The following FNIP1 variants were observed in gnomAD, a reference collection of about 807,000 sequenced individuals.
FNIP1 encodes the protein folliculin-interacting protein 1.
A neutral mutation model predicts 124.5 loss-of-function variants in FNIP1; 40 were observed. The observed-to-expected ratio is 0.32, with a 90% CI of 0.25 to 0.42. FNIP1 has a LOEUF of 0.42. Ranked by LOEUF, FNIP1 falls within the 10% of genes least tolerant of loss-of-function variation. FNIP1 has a pLI of 1.00. For synonymous variants in FNIP1, 472 were observed against 470.6 expected (o/e 1.00, Z -0.04); for missense variants, 1,176 against 1,403.7 (o/e 0.84, Z 2.59).
At chr5:131,741,648 C>A (rs973356330) in intron 2 of FNIP1, among the ~76,000 whole-genome samples, 3 of 152,194 alleles carry the variant, frequency 2.0e-5, no homozygotes, top group Admixed American at 2.0e-4. Context: ...CCTTCTCTCA[C>A]ACTCCAGATA....
chr5:131,739,812 C>CAAAAAAAAAAAA (rs60928249), intron 2 of FNIP1, among the ~76,000 whole-genome samples: 1 of 31,382 alleles, frequency 3.2e-5, no homozygotes, highest in African/African-American at 1.0e-4. Flanking sequence ...GACTCCAGCT[C>CAAAAAAAAAAAA]AAAAAAAAAA....
chr5:131,709,737 A>C (rs1406592750), intron 7 of FNIP1, among the ~76,000 whole-genome samples: 1 of 152,192 alleles, frequency 6.6e-6, no homozygotes, highest in African/African-American at 2.4e-5. Context: ...TCTTTAAAAA[A>C]CAAAAAAGCA....
At chr5:131,719,820 A>G (rs905717801) in intron 3 of FNIP1, among the ~76,000 whole-genome samples, 1 of 152,250 alleles carries the variant, frequency 6.6e-6, no homozygotes, top group African/African-American at 2.4e-5. Flanking sequence ...TTCAAAGAAT[A>G]TGCAGAATAA....
intron 14 of FNIP1, 144 bp downstream of exon 14, chr5:131,671,361 C>G (rs1767742595): frequency 1.4e-6 from 1 of 704,326 alleles, no homozygotes; most frequent in Non-Finnish European, 2.3e-6. Context: ...AGCCTTTACT[C>G]CTTCTTATGA....
chr5:131,683,131 T>C (rs753520068), intron 11 of FNIP1, among the ~76,000 whole-genome samples: 52 of 152,240 alleles, frequency 3.4e-4, no homozygotes, highest in Non-Finnish European at 6.2e-4. Context: ...TCATTGTTAA[T>C]TTTAAATAAT....
intron 1 of FNIP1, among the ~76,000 whole-genome samples, chr5:131,793,944 A>C (rs1390514545): frequency 6.6e-6 from 1 of 152,204 alleles, no homozygotes; most frequent in East Asian, 1.9e-4. Context: ...GTTATATAAA[A>C]AGATGCTGAA....
chr5:131,671,921 A>C lies in FNIP1; in HGVS notation c.2523T>G (p.Asp841Glu), dbSNP rs1298605464. The C allele has an allele frequency of 6.2e-7, 1 of 1,614,212 alleles. No individual in the cohort carries two copies. Among genetic ancestry groups the C allele is most frequent in the Admixed American group, 1.7e-5 (1 of 60,024 alleles). The change falls in exon 14 of 18, where the codon GAT (aspartate) becomes GAG (glutamate). Residue 841 changes from aspartate to glutamate, a missense_variant. By Grantham distance (45) the Asp-to-Glu change is conservative (BLOSUM62 2). Coordinates refer to ENST00000510461, the MANE Select transcript of FNIP1 (RefSeq NM_133372.3). The stretch of plus-strand genomic sequence containing the variant: ...CAATAGTCCTGGTTTCGATTGAATC[A>C]TCATTAAAATATTCGTCGAATAAGC... ...SMSLFDEYFN[D>E]DSIETRTIDD... is the part of the protein sequence containing the mutation.
At chr5:131,785,068 G>C (rs530411759) in intron 1 of FNIP1, among the ~76,000 whole-genome samples, 538 of 12,220 alleles carry the variant, frequency 0.044, 15 homozygotes, top group Middle Eastern at 0.18. Context: ...TCATATATAT[G>C]ATATATATGA....
At chr5:131,694,080 A>G (rs1768607906) in intron 11 of FNIP1, among the ~76,000 whole-genome samples, 1 of 152,216 alleles carries the variant, frequency 6.6e-6, no homozygotes, top group African/African-American at 2.4e-5. Context: ...TCAAATGCTG[A>G]CAAGGATGTA....
At chr5:131,766,133 G>A (rs1415814461) in intron 1 of FNIP1, among the ~76,000 whole-genome samples, 6 of 148,628 alleles carry the variant, frequency 4.0e-5, no homozygotes, top group Non-Finnish European at 7.4e-5. Flanking sequence ...TTTGAGACAC[G>A]GTCTCACTCT....
chr5:131,793,929 C>T (rs1414527388), intron 1 of FNIP1, among the ~76,000 whole-genome samples: 1 of 151,988 alleles, frequency 6.6e-6, no homozygotes, highest in Admixed American at 6.6e-5. Context: ...TACTCAAAAA[C>T]CTGGGTTATA....
chr5:131,747,780 C>T (rs1046858361), intron 1 of FNIP1, among the ~76,000 whole-genome samples: 1 of 151,874 alleles, frequency 6.6e-6, no homozygotes, highest in Non-Finnish European at 1.5e-5. Context: ...GAAAATGAAA[C>T]CTCAAGTAGA....
At chr5:131,697,987 AAAG>A (rs1768765098) in intron 11 of FNIP1, among the ~76,000 whole-genome samples, 1 of 151,286 alleles carries the variant, frequency 6.6e-6, no homozygotes, top group South Asian at 2.1e-4. Context: ...AAAAAAAAAA[AAAG>A]AAAGAAAAAG....
intron 15 of FNIP1, among the ~76,000 whole-genome samples, chr5:131,663,073 A>G (rs1767491631): frequency 6.6e-6 from 1 of 152,106 alleles, no homozygotes; most frequent in South Asian, 2.1e-4. Context: ...TAAATCATTT[A>G]CCATCTCTTT....
chr5:131,706,035 T>C (rs1202072677), intron 9 of FNIP1, among the ~76,000 whole-genome samples: 2 of 152,048 alleles, frequency 1.3e-5, no homozygotes, highest in Non-Finnish European at 2.9e-5. Context: ...ATACAAGGTA[T>C]GAATGAAAAT....
chr5:131,772,101 C>A (rs1319226791), intron 1 of FNIP1, among the ~76,000 whole-genome samples: 1 of 152,104 alleles, frequency 6.6e-6, no homozygotes, highest in Non-Finnish European at 1.5e-5. Flanking sequence ...GAATAACATG[C>A]ATAGAGGAAT....
At chr5:131,662,216 T>C (rs1455654483) in intron 15 of FNIP1, among the ~76,000 whole-genome samples, 1 of 152,146 alleles carries the variant, frequency 6.6e-6, no homozygotes, top group South Asian at 2.1e-4. Flanking sequence ...CATCTTTTGC[T>C]ATCTTAAGCC....
intron 11 of FNIP1, among the ~76,000 whole-genome samples, chr5:131,693,330 A>G (rs1436539989): frequency 1.4e-5 from 1 of 72,066 alleles, no homozygotes; most frequent in African/African-American, 5.8e-5. Context: ...ATATATATAT[A>G]TACATATATA....
chr5:131,691,079 C>G (rs537762267), intron 11 of FNIP1, among the ~76,000 whole-genome samples: 1 of 152,140 alleles, frequency 6.6e-6, no homozygotes. Flanking sequence ...TGACAGGGAA[C>G]ATTTGCCAAA....
Sources: gnomAD v4.1 joint callset for allele counts (sites outside exome capture counted in the v4.1 genomes callset) on GRCh38, gnomAD v4.1.1 for gene constraint, MANE v1.5 for transcripts, NCBI Gene and HGNC (gene_info 2026-07-23, HGNC 2026-07-21) for gene names.